The following LPGAT1 variants were observed in gnomAD, a reference collection of about 807,000 sequenced individuals.
LPGAT1 encodes acyl-CoA:lysophosphatidylglycerol acyltransferase 1.
Under a neutral mutation model 47.5 loss-of-function variants are expected in LPGAT1, and 11 were observed. The observed-to-expected ratio is 0.23, with a 90% CI of 0.15 to 0.38. LPGAT1 has a LOEUF of 0.38. Among genes scored for constraint, LPGAT1 ranks in the 10% least tolerant of loss-of-function variants. LPGAT1 has a pLI of 1.00. For synonymous variants in LPGAT1, 138 were observed against 144.2 expected, an observed-to-expected ratio of 0.96 and a Z score of 0.31; for missense variants, 293 against 439.0, an observed-to-expected ratio of 0.67 and a Z score of 2.97.
chr1:211,784,804 C>CT (rs11393776), intron 4 of LPGAT1, among the ~76,000 whole-genome samples: 47,311 of 133,236 alleles, frequency 0.36, 9,829 homozygotes, highest in East Asian at 0.84. Context: ...AAGGTTCTTT[C>CT]TTTTTTTTTT....
intron 2 of LPGAT1, among the ~76,000 whole-genome samples, chr1:211,795,556 G>A (rs1463785647): frequency 2.0e-5 from 3 of 152,046 alleles, no homozygotes; most frequent in East Asian, 1.9e-4. Flanking sequence ...TAGTAGAGAC[G>A]GGGTTTCTCC....
intron 2 of LPGAT1, among the ~76,000 whole-genome samples, chr1:211,809,268 C>A (rs1406098412): frequency 6.6e-6 from 1 of 151,990 alleles, no homozygotes; most frequent in Non-Finnish European, 1.5e-5. Flanking sequence ...TCTTAAGTTT[C>A]TTTCTATAGT....
chr1:211,824,501 G>A (rs1239454131), intron 2 of LPGAT1, among the ~76,000 whole-genome samples: 4 of 152,082 alleles, frequency 2.6e-5, no homozygotes, highest in Non-Finnish European at 5.9e-5. Context: ...CCATCAAGTG[G>A]GCCCAGAGTA....
intron 2 of LPGAT1, among the ~76,000 whole-genome samples, chr1:211,806,058 G>A (rs12131727): frequency 0.083 from 12,562 of 152,032 alleles, 649 homozygotes; most frequent in Admixed American, 0.15. Flanking sequence ...TCATAAGTTC[G>A]AGACCAGCCT....
chr1:211,814,467 G>T (rs1007331962), intron 2 of LPGAT1, among the ~76,000 whole-genome samples: 1 of 152,184 alleles, frequency 6.6e-6, no homozygotes, highest in Admixed American at 6.5e-5. Context: ...CTTGGAACAG[G>T]ACCAGATCCA....
At chr1:211,829,612 C>T in intron 1 of LPGAT1, 1 of 1,177,406 alleles carries the variant, frequency 8.5e-7, no homozygotes, top group Non-Finnish European at 1.1e-6. Flanking sequence ...GTCCCCGCAC[C>T]GTGTCTCACT....
intron 4 of LPGAT1, 126 bp from the exon 5 acceptor site, chr1:211,783,628 C>T: frequency 3.8e-6 from 3 of 782,510 alleles, no homozygotes; most frequent in Non-Finnish European, 3.7e-6. Flanking sequence ...TTCCCCCACC[C>T]CACCCCAACT....
rs1656992515 is a variant in LPGAT1 at position 211,747,535 on chromosome 1, A to G, written c.*2364T>C. On this transcript the variant is annotated 3_prime_UTR_variant, in exon 8 of 8. Coordinates refer to ENST00000366997, the MANE Select transcript of LPGAT1 (RefSeq NM_014873.3). ...GCAAAAGTGGCCCTCAGCCACATTTATGTATGCATGTTCGCATTTATTTTT... is the reference window on the plus strand; with the variant it reads ...GCAAAAGTGGCCCTCAGCCACATTTGTGTATGCATGTTCGCATTTATTTTT... 6.6e-6 allele frequency: 1 copy of G among 152,238 alleles called. No individual in the cohort carries two copies. Among genetic ancestry groups the G allele is most frequent in the South Asian group, 2.1e-4 (1 of 4,836 alleles). The allele number at this position is 152,238 out of a possible 1,614,324, so 9.4% of individuals were successfully genotyped here. A position where few individuals can be genotyped will look rare whatever the true frequency, so the allele number is the denominator to read the frequency against.
chr1:211,755,072 T>C (rs1657383373), intron 6 of LPGAT1, among the ~76,000 whole-genome samples: 2 of 144,616 alleles, frequency 1.4e-5, no homozygotes, highest in African/African-American at 2.6e-5. Context: ...GCGAGGTGGC[T>C]CACGCCTATA....
intron 2 of LPGAT1, among the ~76,000 whole-genome samples, chr1:211,822,775 C>T (rs1457756337): frequency 6.0e-5 from 1 of 16,618 alleles, no homozygotes; most frequent in African/African-American, 3.9e-4. Flanking sequence ...AAGACTTCAT[C>T]TCAAAAAAAA....
rs370498556 is a variant in LPGAT1, at chr1:211,764,613, C to T, written c.855-13546G>A. Among the ~76,000 whole-genome samples the T allele has an allele frequency of 2.6e-5, 4 of 152,158 alleles. No individual in the cohort carries two copies. In the East Asian group the frequency reaches 7.7e-4, roughly 29 times the overall value. ...CATTATCCTGAGCTAAGCTGTTAGG[C>T]CTAACAACATACTAAAATGTAATAT... On this transcript the variant is annotated intron_variant, in intron 6 of 7. Coordinates refer to ENST00000366997, the MANE Select transcript of LPGAT1 (RefSeq NM_014873.3).
At chr1:211,767,275 A>T (rs980313566) in intron 6 of LPGAT1, among the ~76,000 whole-genome samples, 2 of 152,106 alleles carry the variant, frequency 1.3e-5, no homozygotes, top group African/African-American at 4.8e-5. Context: ...AGTAGCTGAG[A>T]TTAGAGGCAC....
intron 5 of LPGAT1, among the ~76,000 whole-genome samples, chr1:211,781,410 T>C (rs1257696112): frequency 6.6e-6 from 1 of 152,228 alleles, no homozygotes; most frequent in Non-Finnish European, 1.5e-5. Context: ...TTGGAAGACA[T>C]TTGCCTTCAA....
At chr1:211,826,401 T>G (rs1328290319) in intron 2 of LPGAT1, among the ~76,000 whole-genome samples, 3 of 152,214 alleles carry the variant, frequency 2.0e-5, no homozygotes, top group African/African-American at 4.8e-5. Flanking sequence ...CAGTAGTACT[T>G]GCTGTGATGA....
chr1:211,791,774 C>CAAAAAAAAAAAAAA (rs78791498), intron 3 of LPGAT1, among the ~76,000 whole-genome samples: 1 of 121,766 alleles, frequency 8.2e-6, no homozygotes, highest in Non-Finnish European at 1.8e-5. Flanking sequence ...AACAAACAAA[C>CAAAAAAAAAAAAAA]AAAAAAAAAA....
chr1:211,751,515 C>T (rs114290319), intron 6 of LPGAT1, among the ~76,000 whole-genome samples: 3,640 of 152,198 alleles, frequency 0.024, 79 homozygotes, highest in South Asian at 0.11. Context: ...AGAGACTCTG[C>T]CCAAATCGGT....
chr1:211,792,753 C>T (rs1659180993), intron 3 of LPGAT1, among the ~76,000 whole-genome samples: 1 of 106,440 alleles, frequency 9.4e-6, no homozygotes, highest in Admixed American at 1.5e-4. Flanking sequence ...TGCTCTGTTG[C>T]TAGGCTGGAG....
In LPGAT1 at chr1:211,829,120, T is replaced by C. The variant is rs751399679; in HGVS notation, c.177A>G (p.Gly59=). ...LDSKRFWYIE[G]IMYKWLLGMV... is the part of the protein sequence containing the mutation. ...TTCCTAAAAGCCATTTATACATGAT[T>C]CCTTCGATATACCAGAACCGCTTAC... Residue 59 remains glycine, a synonymous_variant, in exon 2 of 8, where the codon GGA becomes GGG. Coordinates refer to ENST00000366997, the MANE Select transcript of LPGAT1 (RefSeq NM_014873.3). The C allele has an allele frequency of 7.4e-6, 12 of 1,614,174 alleles. No individual in the cohort carries two copies. Among genetic ancestry groups the C allele is most frequent in the Non-Finnish European group, 6.8e-6 (8 of 1,180,022 alleles).
rs1660679784 is a variant in LPGAT1, at chr1:211,830,138, G to A, written c.-28+435C>T. 1 of 984,102 alleles carries A rather than the reference G, an allele frequency of 1.0e-6. No homozygotes were observed. 61.0% of individuals were successfully genotyped at this position (984,102 alleles called of 1,614,324 possible). A position where few individuals can be genotyped will look rare whatever the true frequency, so the allele number is the denominator to read the frequency against. ...GGAGCCTGCAGCGGTTTCCGCGGAT[G>A]TGGAAGGGTCGTGGCGGCGGGCGCG... On this transcript the variant is annotated intron_variant, in intron 1 of 7. Coordinates refer to ENST00000366997, the MANE Select transcript of LPGAT1 (RefSeq NM_014873.3). This position sits in a 1 kb window ranked among gnomAD's most constrained non-coding sequence, Gnocchi z 5.9.
Sources: allele counts gnomAD v4.1 joint callset (sites outside exome capture counted in the v4.1 genomes callset), GRCh38; gene constraint gnomAD v4.1.1; non-coding constraint Gnocchi (gnomAD v3.1); transcripts MANE v1.5; gene names NCBI Gene and HGNC (gene_info 2026-07-23, HGNC 2026-07-21).